Variants in CCM2 observed in about 807,000 individuals in gnomAD.
The protein encoded by CCM2 is CCM2 scaffold protein, also known as cerebral cavernous malformations 2 protein.
Under a neutral mutation model 44.9 loss-of-function variants are expected in CCM2, and 25 were observed. That is an observed-to-expected ratio of 0.56 (90% CI 0.41 to 0.78). The LOEUF (loss-of-function observed/expected upper bound fraction) is 0.78. CCM2 is among the 30% of genes least tolerant of loss of function. The pLI, the probability that CCM2 is intolerant of heterozygous loss-of-function variation, is 0.00. For missense variants in CCM2, 481 were observed against 580.6 expected, an observed-to-expected ratio of 0.83 and a Z score of 1.76; for synonymous variants, 219 against 241.1, an observed-to-expected ratio of 0.91 and a Z score of 0.85.
Position 45,027,969 on chromosome 7 carries a change from C to T in CCM2, c.31-10284C>T, listed in dbSNP as rs565595242. ...GGTGGGTGGAGGGTTCATTTGCTGG[C>T]TTCCTGGTCTGAGACCCTGTGGCAA... On this transcript the variant is annotated intron_variant, in intron 1 of 9. Transcript: ENST00000258781. 2.0e-5 allele frequency among the ~76,000 whole-genome samples: 3 copies of T among 152,212 alleles called. No homozygotes were observed. In the South Asian group the frequency reaches 6.2e-4, roughly 32 times the overall value.
At chr7:45,052,068 C>A (rs1460964258) in intron 2 of CCM2, among the ~76,000 whole-genome samples, 1 of 152,152 alleles carries the variant, frequency 6.6e-6, no homozygotes, top group African/African-American at 2.4e-5. Flanking sequence ...GTCCCTTGAT[C>A]CAAGGTGATG....
At chr7:45,020,691 T>A (rs527750597) in intron 1 of CCM2, among the ~76,000 whole-genome samples, 13 of 152,334 alleles carry the variant, frequency 8.5e-5, no homozygotes, top group African/African-American at 3.1e-4. Flanking sequence ...TACCCACCTC[T>A]CAAGAGAACA....
intron 1 of CCM2, among the ~76,000 whole-genome samples, chr7:45,009,164 G>A (rs1795965279): frequency 2.0e-5 from 3 of 151,750 alleles, no homozygotes. Flanking sequence ...AGCAGGGCAT[G>A]GTGGTGTGTG....
chr7:45,064,303 G>A (rs1798661857), intron 3 of CCM2, among the ~76,000 whole-genome samples, 160 bp from the exon 4 acceptor site: 2 of 152,224 alleles, frequency 1.3e-5, no homozygotes, highest in Admixed American at 1.3e-4. Flanking sequence ...ACACATTGGT[G>A]TCCCTGGAAT....
chr7:45,000,332 A>G lies in CCM2; in HGVS notation c.-2A>G. 1.6e-6 allele frequency: 2 copies of G among 1,260,586 alleles called. No homozygotes were observed. The highest frequency in any genetic ancestry group is 3.3e-5 in the African/African-American group (2 of 61,308). The allele number at this position is 1,260,586 out of a possible 1,614,324, so 78.1% of individuals were successfully genotyped here. A position where few individuals can be genotyped will look rare whatever the true frequency, so the allele number is the denominator to read the frequency against. On this transcript the variant is annotated 5_prime_UTR_variant, in exon 1 of 10. Transcript: ENST00000258781. ...CGGGCCGCGGGAGCCGCACGCGGCG[A>G]TATGGAAGAGGAGGGCAAGAAGGGC...
intron 2 of CCM2, among the ~76,000 whole-genome samples, chr7:45,054,687 C>T (rs1424751486): frequency 2.0e-5 from 3 of 152,184 alleles, no homozygotes; most frequent in Admixed American, 2.0e-4. Context: ...AATCCCAGAA[C>T]TGATGGAGCT....
At position 45,076,136 on chromosome 7, in the gene CCM2, G is replaced by C. The variant is rs765980239; in HGVS notation, c.*79G>C. 16 of 1,589,680 alleles carry C rather than the reference G, an allele frequency of 1.0e-5. No individual in the cohort carries two copies. Among genetic ancestry groups the C allele is most frequent in the Non-Finnish European group, 1.4e-5 (16 of 1,170,388 alleles). ...CCCAGAAGGAGCTGCCCAGACCTGC[G>C]TGTCAGCCCTTGGTGGTGGCCAGGG... On this transcript the variant is annotated 3_prime_UTR_variant, in exon 10 of 10. Transcript: ENST00000258781.
intron 1 of CCM2, among the ~76,000 whole-genome samples, chr7:45,007,467 A>G (rs1795892446): frequency 6.6e-6 from 1 of 152,192 alleles, no homozygotes; most frequent in Non-Finnish European, 1.5e-5. Flanking sequence ...TTGTCAATGG[A>G]ACCATTAGGA....
chr7:45,002,782 G>A lies in CCM2; in HGVS notation c.30+2419G>A, dbSNP rs145954180. On this transcript the variant is annotated intron_variant, in intron 1 of 9. Coordinates refer to ENST00000258781, the MANE Select transcript of CCM2 (RefSeq NM_031443.4). ...CAAATGTCTGTTGAGCCCCTCTTGTGTCCCATGAAACTCACTGGGTGATGG... is the reference window on the plus strand; with the variant it reads ...CAAATGTCTGTTGAGCCCCTCTTGTATCCCATGAAACTCACTGGGTGATGG... Among the ~76,000 whole-genome samples the A allele has an allele frequency of 1.1e-4, 17 of 152,244 alleles. No individual in the cohort carries two copies. In the East Asian group the frequency reaches 2.9e-3, roughly 26 times the overall value.
chr7:45,033,175 G>A (rs2128725427), intron 1 of CCM2, among the ~76,000 whole-genome samples: 1 of 151,562 alleles, frequency 6.6e-6, no homozygotes, highest in East Asian at 1.9e-4. Flanking sequence ...TGGTTTCCTT[G>A]CCCTGCAAGA....
At chr7:45,023,792 T>G (rs1212477693) in intron 1 of CCM2, among the ~76,000 whole-genome samples, 1 of 126,282 alleles carries the variant, frequency 7.9e-6, no homozygotes, top group Non-Finnish European at 1.7e-5. Context: ...TATCAGTTTT[T>G]TTTTTTTTTT....
intron 1 of CCM2, among the ~76,000 whole-genome samples, chr7:45,017,910 C>T (rs1249115074): frequency 1.3e-5 from 2 of 151,916 alleles, no homozygotes; most frequent in Non-Finnish European, 2.9e-5. Flanking sequence ...CACATTGTTT[C>T]ACCTTTTATT....
chr7:45,018,700 C>T (rs1796361859), intron 1 of CCM2, among the ~76,000 whole-genome samples: 1 of 151,734 alleles, frequency 6.6e-6, no homozygotes, highest in Non-Finnish European at 1.5e-5. Context: ...CATTTTTTCT[C>T]TTGAGAAGTT....
intron 1 of CCM2, among the ~76,000 whole-genome samples, chr7:45,008,760 G>A (rs760535504): frequency 1.3e-5 from 2 of 152,136 alleles, no homozygotes; most frequent in Non-Finnish European, 2.9e-5. Flanking sequence ...CCCTAGATAT[G>A]ATTATGTCTA....
chr7:45,007,277 T>G lies in CCM2; in HGVS notation c.30+6914T>G, dbSNP rs185665970. On this transcript the variant is annotated intron_variant, in intron 1 of 9. Coordinates refer to ENST00000258781, the MANE Select transcript of CCM2 (RefSeq NM_031443.4). Reference sequence around the variant, plus strand: ...ATTTCATCTGGGACAGGCTTTGTGCTCTGGGATCTGTGGCGGGAGCAGTGA... The same window carrying G: ...ATTTCATCTGGGACAGGCTTTGTGCGCTGGGATCTGTGGCGGGAGCAGTGA... Among the ~76,000 whole-genome samples, 143 of 152,304 alleles carry G rather than the reference T, an allele frequency of 9.4e-4. 2 individuals are homozygous for G. Among genetic ancestry groups the G allele is most frequent in the African/African-American group, 3.3e-3 (139 of 41,574 alleles).
intron 2 of CCM2, among the ~76,000 whole-genome samples, chr7:45,042,265 C>CA (rs71565940): frequency 5.9e-5 from 6 of 102,410 alleles, no homozygotes; most frequent in East Asian, 2.7e-4. Context: ...GATTCCATCT[C>CA]AAAAAAAAAA....
intron 1 of CCM2, among the ~76,000 whole-genome samples, chr7:45,017,434 C>G (rs1796310572): frequency 6.6e-6 from 1 of 152,176 alleles, no homozygotes; most frequent in South Asian, 2.1e-4. Flanking sequence ...GCTTGTGGAA[C>G]AGGAGGTCAG....
intron 2 of CCM2, 113 bp from the exon 3 acceptor site, chr7:45,063,805 A>G (rs544815194): frequency 5.0e-5 from 39 of 777,260 alleles, no homozygotes; most frequent in South Asian, 3.6e-4. Flanking sequence ...ATGGAGACCC[A>G]TGGGCCTGGT....
intron 2 of CCM2, among the ~76,000 whole-genome samples, chr7:45,049,978 G>A (rs186174446): frequency 6.6e-6 from 1 of 152,356 alleles, no homozygotes. Context: ...ATAATTTGAA[G>A]TACAGTCTTG....
Sources: allele counts gnomAD v4.1 joint callset (sites outside exome capture counted in the v4.1 genomes callset), GRCh38; gene constraint gnomAD v4.1.1; transcripts MANE v1.5; gene names NCBI Gene and HGNC (gene_info 2026-07-23, HGNC 2026-07-21).